KCNH1: variants seen among roughly 807,000 people sequenced by gnomAD.
KCNH1 encodes the protein voltage-gated delayed rectifier potassium channel KCNH1.
Under a neutral mutation model 69.2 loss-of-function variants are expected in KCNH1, and 27 were observed. That is an observed-to-expected ratio of 0.39 (90% confidence interval 0.29 to 0.54). The LOEUF (loss-of-function observed/expected upper bound fraction) is 0.54. Ranked by LOEUF, KCNH1 falls within the 20% of genes least tolerant of loss-of-function variation. The pLI is 0.68. For missense variants in KCNH1, 798 were observed against 1,261.6 expected, an observed-to-expected ratio of 0.63 and a Z score of 5.57; for synonymous variants, 456 against 487.7, an observed-to-expected ratio of 0.93 and a Z score of 0.86.
At chr1:210,934,615 G>T (rs750074515) in intron 6 of KCNH1, among the ~76,000 whole-genome samples, 1 of 151,986 alleles carries the variant, frequency 6.6e-6, no homozygotes, top group Non-Finnish European at 1.5e-5. Flanking sequence ...CTCCAGCCTG[G>T]GTGACAGAGC....
chr1:210,836,741 A>G (rs1039221442), intron 7 of KCNH1, among the ~76,000 whole-genome samples: 1 of 152,176 alleles, frequency 6.6e-6, no homozygotes, highest in Non-Finnish European at 1.5e-5. Context: ...GACAAAGAAA[A>G]GCAAACACTA....
intron 3 of KCNH1, among the ~76,000 whole-genome samples, chr1:211,099,996 T>G (rs1406206018): frequency 6.6e-6 from 1 of 152,220 alleles, no homozygotes; most frequent in Non-Finnish European, 1.5e-5. Flanking sequence ...CACTAAGCTC[T>G]ATTCCATCTC....
chr1:211,002,173 T>C (rs902806089), intron 6 of KCNH1, among the ~76,000 whole-genome samples: 1 of 151,964 alleles, frequency 6.6e-6, no homozygotes, highest in South Asian at 2.1e-4. Flanking sequence ...GTTGCGCACA[T>C]GTACCCTAGA....
intron 6 of KCNH1, among the ~76,000 whole-genome samples, chr1:210,979,495 G>A (rs768495383): frequency 1.4e-4 from 21 of 152,122 alleles, no homozygotes; most frequent in South Asian, 8.3e-4. Flanking sequence ...TATTAGTAAC[G>A]TTGAACATTT....
intron 10 of KCNH1, among the ~76,000 whole-genome samples, chr1:210,722,803 G>T (rs1435624652): frequency 1.3e-5 from 2 of 152,136 alleles, no homozygotes; most frequent in Admixed American, 6.5e-5. Context: ...GCAATCTAAA[G>T]TCTAACAGAT....
At chr1:210,914,723 T>C (rs974414188) in intron 7 of KCNH1, among the ~76,000 whole-genome samples, 2 of 152,114 alleles carry the variant, frequency 1.3e-5, no homozygotes, top group Non-Finnish European at 2.9e-5. Flanking sequence ...AGAGGAGAAC[T>C]GGACCAAGGA....
intron 6 of KCNH1, among the ~76,000 whole-genome samples, chr1:211,012,109 T>C (rs377105749): frequency 6.0e-4 from 92 of 152,212 alleles, no homozygotes; most frequent in African/African-American, 2.1e-3. Context: ...AATAATTGGA[T>C]AGAAGAAATA....
At chr1:211,126,687 C>CAA (rs71571980) in intron 1 of KCNH1, among the ~76,000 whole-genome samples, 716 of 64,860 alleles carry the variant, frequency 0.011, 14 homozygotes, top group African/African-American at 0.029. Context: ...TATAATATCT[C>CAA]AAAAAAAAAA....
chr1:210,963,213 TA>T (rs1244848821), intron 6 of KCNH1, among the ~76,000 whole-genome samples: 2 of 151,050 alleles, frequency 1.3e-5, no homozygotes, highest in Non-Finnish European at 3.0e-5. Flanking sequence ...GAAGGAAAAC[TA>T]AAAAAAACAG....
chr1:211,111,709 C>CCCCCA (rs1291039369), intron 1 of KCNH1, among the ~76,000 whole-genome samples: 1 of 140,338 alleles, frequency 7.1e-6, no homozygotes, highest in Non-Finnish European at 1.6e-5. Context: ...TGCCCGCCCT[C>CCCCCA]CCCCACCCCA....
At chr1:211,034,996 T>C (rs1689868057) in intron 5 of KCNH1, among the ~76,000 whole-genome samples, 1 of 152,226 alleles carries the variant, frequency 6.6e-6, no homozygotes, top group Non-Finnish European at 1.5e-5. Context: ...TGATTCTTTC[T>C]AGGATGCTAT....
At chr1:210,927,983 T>C (rs1236830850) in intron 6 of KCNH1, among the ~76,000 whole-genome samples, 2 of 152,122 alleles carry the variant, frequency 1.3e-5, no homozygotes, top group Admixed American at 6.5e-5. Flanking sequence ...CACATAATGA[T>C]AAAAGGCCTT....
intron 6 of KCNH1, among the ~76,000 whole-genome samples, chr1:211,002,278 A>G (rs929054536): frequency 6.7e-6 from 1 of 149,176 alleles, no homozygotes; most frequent in African/African-American, 2.4e-5. Context: ...ACATATATAT[A>G]CGTATGTATA....
intron 7 of KCNH1, among the ~76,000 whole-genome samples, chr1:210,820,345 G>A (rs1203588093): frequency 6.6e-6 from 1 of 152,076 alleles, no homozygotes; most frequent in African/African-American, 2.4e-5. Context: ...AGGGTAGAAG[G>A]AACTTTGTGG....
intron 10 of KCNH1, among the ~76,000 whole-genome samples, chr1:210,691,726 G>C (rs373499218): frequency 2.4e-4 from 36 of 152,306 alleles, no homozygotes; most frequent in African/African-American, 8.7e-4. Context: ...GATTCCCAGA[G>C]GATTTAAAGA....
Position 211,076,240 on chromosome 1 carries a change from A to G in KCNH1, c.558+6540T>C, listed in dbSNP as rs1178532725. On this transcript the variant is annotated intron_variant, in intron 5 of 10. Transcript: ENST00000271751. ...CTCTGAAGAGAGCAGTGGTTCTCCC[A>G]GCACAGTGTTTGACCTCTGAGAATG... Among the ~76,000 whole-genome samples the G allele has an allele frequency of 4.6e-5, 7 of 152,346 alleles. No homozygotes were observed. The East Asian group carries it at 1.2e-3, about 25-fold the overall frequency.
At chr1:210,718,260 T>TATGTGTA (rs1269380463) in intron 10 of KCNH1, among the ~76,000 whole-genome samples, 4 of 40,012 alleles carry the variant, frequency 1.0e-4, no homozygotes, top group African/African-American at 3.3e-4. Context: ...TCTATAAATA[T>TATGTGTA]TATAAATATA....
chr1:210,947,779 T>A (rs1428301187), intron 6 of KCNH1, among the ~76,000 whole-genome samples: 2 of 152,102 alleles, frequency 1.3e-5, no homozygotes, highest in African/African-American at 4.8e-5. Flanking sequence ...GTAAAATGAA[T>A]AAGAGATTTG....
intron 6 of KCNH1, among the ~76,000 whole-genome samples, chr1:210,958,882 T>C (rs1165969014): frequency 1.3e-5 from 2 of 152,220 alleles, no homozygotes; most frequent in Non-Finnish European, 1.5e-5. Flanking sequence ...GATAACTTTG[T>C]TATTACCGGC....
Sources: gnomAD v4.1 joint callset for allele counts (sites outside exome capture counted in the v4.1 genomes callset) on GRCh38, gnomAD v4.1.1 for gene constraint, MANE v1.5 for transcripts, NCBI Gene and HGNC (gene_info 2026-07-23, HGNC 2026-07-21) for gene names.